Variants in CSMD1 observed in about 807,000 individuals in gnomAD.
CSMD1 encodes CUB and sushi domain-containing protein 1.
A neutral mutation model predicts 417.5 loss-of-function variants in CSMD1; 213 were observed. The ratio of observed to expected loss-of-function variants is 0.51; its 90% confidence interval spans 0.46 to 0.57. CSMD1 has a LOEUF of 0.57. Ranked by LOEUF, CSMD1 falls within the 20% of genes least tolerant of loss-of-function variation. The pLI, the probability that CSMD1 is intolerant of heterozygous loss-of-function variation, is 0.00. For synonymous variants in CSMD1, 2,862 were observed against 1,736.8 expected (o/e 1.65, Z -16.11); for missense variants, 6,923 against 4,529.7 (o/e 1.53, Z -15.17).
At chr8:4,596,931 G>A (rs910374089) in intron 2 of CSMD1, among the ~76,000 whole-genome samples, 9 of 152,072 alleles carry the variant, frequency 5.9e-5, no homozygotes, top group Non-Finnish European at 1.2e-4. Context: ...AGGGGTTTCC[G>A]CTTTTGTTTC....
intron 6 of CSMD1, among the ~76,000 whole-genome samples, chr8:3,739,902 C>T (rs939449413): frequency 2.0e-5 from 3 of 152,108 alleles, no homozygotes; most frequent in African/African-American, 7.2e-5. Flanking sequence ...CTGGTTGCAG[C>T]CTTCAAGCAA....
chr8:4,918,935 T>C (rs534564925), intron 1 of CSMD1, among the ~76,000 whole-genome samples: 87 of 152,322 alleles, frequency 5.7e-4, no homozygotes, highest in Admixed American at 1.4e-3. Flanking sequence ...GGGGGGTGTA[T>C]GTATGTTTGG....
rs976239150 is a variant in CSMD1, at chr8:4,820,054, C to T, written c.85+174278G>A. ...CCATGCTTCTCTTCCTGAACCACAG[C>T]AGTCTATCCACCTGCCTTGTACCTC... On this transcript the variant is annotated intron_variant, in intron 1 of 69. Transcript: ENST00000635120. 2.6e-5 allele frequency among the ~76,000 whole-genome samples: 4 copies of T among 152,174 alleles called. No individual in the cohort carries two copies. In the East Asian group the frequency reaches 7.7e-4, roughly 29 times the overall value.
intron 1 of CSMD1, among the ~76,000 whole-genome samples, chr8:4,921,625 G>A (rs920283316): frequency 5.3e-5 from 8 of 152,254 alleles, no homozygotes; most frequent in African/African-American, 1.9e-4. Context: ...CTCAGATAAT[G>A]GAAGGATAAC....
At chr8:4,482,886 G>T (rs1044696512) in intron 2 of CSMD1, among the ~76,000 whole-genome samples, 1 of 151,954 alleles carries the variant, frequency 6.6e-6, no homozygotes, top group East Asian at 1.9e-4. Context: ...CATAAAGTAG[G>T]GGCATGTATG....
At chr8:3,967,854 T>G (rs1302874114) in intron 5 of CSMD1, among the ~76,000 whole-genome samples, 1 of 151,848 alleles carries the variant, frequency 6.6e-6, no homozygotes, top group Non-Finnish European at 1.5e-5. Flanking sequence ...ATGACAGCAT[T>G]TCCCTTGCTC....
chr8:3,297,658 A>C (rs1804066299), intron 25 of CSMD1, among the ~76,000 whole-genome samples: 1 of 152,204 alleles, frequency 6.6e-6, no homozygotes, highest in African/African-American at 2.4e-5. Context: ...ATTTATCCCC[A>C]GTGGAATAGA....
At chr8:4,781,126 C>T (rs1797130835) in intron 1 of CSMD1, among the ~76,000 whole-genome samples, 1 of 152,172 alleles carries the variant, frequency 6.6e-6, no homozygotes, top group South Asian at 2.1e-4. Context: ...CTTTCGAGTG[C>T]AGGTGTCACC....
At chr8:3,643,351 G>T (rs956647084) in intron 7 of CSMD1, among the ~76,000 whole-genome samples, 2 of 152,130 alleles carry the variant, frequency 1.3e-5, no homozygotes, top group African/African-American at 4.8e-5. Context: ...AATCACTGAA[G>T]AAATGGGGTT....
intron 37 of CSMD1, among the ~76,000 whole-genome samples, chr8:3,164,470 T>G (rs1383429838): frequency 6.6e-6 from 1 of 152,216 alleles, no homozygotes; most frequent in Non-Finnish European, 1.5e-5. Context: ...GCCTTTAACT[T>G]CTTTTACTAA....
rs138567693 is a variant in CSMD1, at chr8:3,316,072, C to T, written c.3632-7569G>A. Among the ~76,000 whole-genome samples, 249 of 152,212 alleles carry T rather than the reference C, an allele frequency of 1.6e-3. 1 individual carries two copies. Among genetic ancestry groups the T allele is most frequent in the African/African-American group, 5.7e-3 (236 of 41,536 alleles). The stretch of plus-strand genomic sequence containing the variant: ...TTCTCTGTTGAGGATATTTAAAACT[C>T]AGAGTGGGGGAACTTGGGGCAAGAC... On this transcript the variant is annotated intron_variant, in intron 23 of 69. Coordinates refer to ENST00000635120, the MANE Select transcript of CSMD1 (RefSeq NM_033225.6).
chr8:4,602,398 G>T (rs940762543), intron 2 of CSMD1, among the ~76,000 whole-genome samples: 9 of 152,094 alleles, frequency 5.9e-5, no homozygotes, highest in Non-Finnish European at 1.3e-4. Flanking sequence ...TAATTTGCTG[G>T]TCCAAGATAC....
chr8:3,709,488 C>T (rs79249519), intron 6 of CSMD1, among the ~76,000 whole-genome samples: 2 of 151,932 alleles, frequency 1.3e-5, no homozygotes, highest in Non-Finnish European at 2.9e-5. Context: ...AGAGGAGATT[C>T]TGGGGGTGTC....
intron 3 of CSMD1, among the ~76,000 whole-genome samples, chr8:4,232,155 C>G (rs542361219): frequency 3.9e-5 from 6 of 152,256 alleles, no homozygotes; most frequent in African/African-American, 1.4e-4. Flanking sequence ...TTCTAAACTT[C>G]AAAATCCAAG....
chr8:4,216,576 C>A (rs182212526), intron 3 of CSMD1, among the ~76,000 whole-genome samples: 2 of 152,186 alleles, frequency 1.3e-5, no homozygotes, highest in South Asian at 2.1e-4. Flanking sequence ...CCACTGCCAA[C>A]GGAGCCCTCC....
chr8:3,529,409 G>T lies in CSMD1; in HGVS notation c.1345-35683C>A, dbSNP rs28457591. ...AATTGACTATATTGAAGGAGATGGGGGGTTGATACATGAGGAATTCAGCAG... is the reference window on the plus strand; with the variant it reads ...AATTGACTATATTGAAGGAGATGGGTGGTTGATACATGAGGAATTCAGCAG... On this transcript the variant is annotated intron_variant, in intron 10 of 69. Coordinates refer to ENST00000635120, the MANE Select transcript of CSMD1 (RefSeq NM_033225.6). 8.5e-5 allele frequency among the ~76,000 whole-genome samples: 13 copies of T among 152,100 alleles called. No homozygotes were observed. In the South Asian group the frequency reaches 1.2e-3, roughly 15 times the overall value.
intron 3 of CSMD1, among the ~76,000 whole-genome samples, chr8:4,286,268 C>G (rs750242938): frequency 6.6e-6 from 1 of 152,154 alleles, no homozygotes; most frequent in South Asian, 2.1e-4. Flanking sequence ...CCATGTCTCA[C>G]TTGCTTCTAC....
intron 1 of CSMD1, among the ~76,000 whole-genome samples, chr8:4,878,801 A>G (rs1045006295): frequency 6.6e-6 from 1 of 152,036 alleles, no homozygotes; most frequent in South Asian, 2.1e-4. Flanking sequence ...TCCCTCCTCT[A>G]TGAAGCTGAA....
chr8:4,385,177 C>T (rs1300254225), intron 3 of CSMD1, among the ~76,000 whole-genome samples: 1 of 151,924 alleles, frequency 6.6e-6, no homozygotes, highest in Non-Finnish European at 1.5e-5. Flanking sequence ...TCCTCCCCGT[C>T]TCGGCGTCTT....
Sources: gnomAD v4.1 joint callset for allele counts (sites outside exome capture counted in the v4.1 genomes callset) on GRCh38, gnomAD v4.1.1 for gene constraint, MANE v1.5 for transcripts, NCBI Gene and HGNC (gene_info 2026-07-23, HGNC 2026-07-21) for gene names.